The following ADAMTS6 variants were observed in gnomAD, a reference collection of about 807,000 sequenced individuals.
The protein encoded by ADAMTS6 is A disintegrin and metalloproteinase with thrombospondin motifs 6.
ADAMTS6 carries 23 observed loss-of-function variants against 144.3 expected under a neutral mutation model. That is an observed-to-expected ratio of 0.16 (90% confidence interval 0.11 to 0.23). ADAMTS6 has a LOEUF of 0.23. Ranked by LOEUF, ADAMTS6 falls within the 10% of genes least tolerant of loss-of-function variation. The pLI is 1.00. For missense variants in ADAMTS6, 999 were observed against 1,379.6 expected (o/e 0.72, Z 4.37); for synonymous variants, 444 against 457.5 (o/e 0.97, Z 0.38).
intron 8 of ADAMTS6, 68 bp from the exon 9 acceptor site, chr5:65,329,551 T>C (rs1427964405): frequency 7.5e-7 from 1 of 1,336,480 alleles, no homozygotes; most frequent in African/African-American, 1.5e-5. Flanking sequence ...CCTATATTTA[T>C]AAATGCCTGG....
intron 12 of ADAMTS6, 68 bp downstream of exon 12, chr5:65,273,272 G>C: frequency 7.5e-7 from 1 of 1,325,796 alleles, no homozygotes; most frequent in African/African-American, 1.4e-5. Context: ...CCTGGTGGTT[G>C]AATATCAGTA....
At chr5:65,285,184 C>T (rs1763271520) in intron 11 of ADAMTS6, among the ~76,000 whole-genome samples, 1 of 152,138 alleles carries the variant, frequency 6.6e-6, no homozygotes, top group Non-Finnish European at 1.5e-5. Flanking sequence ...TATTTTCTGG[C>T]ATCTTGCTGC....
chr5:65,254,691 C>T (rs572277427), intron 14 of ADAMTS6, among the ~76,000 whole-genome samples: 55 of 152,214 alleles, frequency 3.6e-4, no homozygotes, highest in Middle Eastern at 3.4e-3. Context: ...TTGTTTGACT[C>T]CCACTGCTAT....
chr5:65,202,890 G>A (rs900129329), intron 20 of ADAMTS6, among the ~76,000 whole-genome samples: 16 of 152,090 alleles, frequency 1.1e-4, no homozygotes, highest in African/African-American at 3.4e-4. Context: ...TGTAAAATGA[G>A]GTAATCAAAT....
chr5:65,397,957 T>C (rs1753498178), intron 7 of ADAMTS6, among the ~76,000 whole-genome samples: 1 of 152,082 alleles, frequency 6.6e-6, no homozygotes, highest in Non-Finnish European at 1.5e-5. Flanking sequence ...CTGTGATTGA[T>C]TTCTAGATTA....
chr5:65,342,326 T>G (rs1747919706), intron 7 of ADAMTS6, among the ~76,000 whole-genome samples: 1 of 152,018 alleles, frequency 6.6e-6, no homozygotes, highest in Non-Finnish European at 1.5e-5. Flanking sequence ...ATGTCTCACA[T>G]GGTGGCAGAC....
At chr5:65,251,108 G>A (rs1354871185) in intron 14 of ADAMTS6, 2 of 152,156 alleles carry the variant, frequency 1.3e-5, no homozygotes, top group Non-Finnish European at 2.9e-5. Flanking sequence ...GTAAAAAGAA[G>A]ATTCCATATA....
rs1478722853 is a variant in ADAMTS6 at position 65,429,079 on chromosome 5, T to C, written c.1073+22396A>G. Reference sequence around the variant, plus strand: ...CTCTCCTAAACCAGTCCACAGAAACTAGAAAGAATTTCCCTTGCCCCTTCT... The same window carrying C: ...CTCTCCTAAACCAGTCCACAGAAACCAGAAAGAATTTCCCTTGCCCCTTCT... On this transcript the variant is annotated intron_variant, in intron 7 of 24. Coordinates refer to ENST00000381055, the MANE Select transcript of ADAMTS6 (RefSeq NM_197941.4). 2.0e-5 allele frequency among the ~76,000 whole-genome samples: 3 copies of C among 152,112 alleles called. No individual in the cohort carries two copies. The East Asian group carries it at 5.8e-4, about 29-fold the overall frequency.
intron 3 of ADAMTS6, among the ~76,000 whole-genome samples, chr5:65,463,318 G>A (rs913111260): frequency 6.6e-6 from 1 of 152,090 alleles, no homozygotes; most frequent in African/African-American, 2.4e-5. Flanking sequence ...ACCAGATACT[G>A]GGAACAACAA....
At chr5:65,376,012 C>G (rs1292574204) in intron 7 of ADAMTS6, among the ~76,000 whole-genome samples, 2 of 148,414 alleles carry the variant, frequency 1.3e-5, no homozygotes, top group Non-Finnish European at 3.0e-5. Context: ...ATTGCAAGAA[C>G]AAAAAAACAA....
At chr5:65,228,263 G>A (rs1216870945) in intron 15 of ADAMTS6, among the ~76,000 whole-genome samples, 1 of 152,144 alleles carries the variant, frequency 6.6e-6, no homozygotes, top group South Asian at 2.1e-4. Context: ...GAGAAGCTGA[G>A]TCTTCTGTTT....
chr5:65,193,710 T>G (rs1755153682), intron 21 of ADAMTS6, among the ~76,000 whole-genome samples: 1 of 152,188 alleles, frequency 6.6e-6, no homozygotes, highest in African/African-American at 2.4e-5. Flanking sequence ...CCATTTGAAC[T>G]ATAAATTATT....
chr5:65,436,687 A>G (rs1757438660), intron 7 of ADAMTS6, among the ~76,000 whole-genome samples: 2 of 137,936 alleles, frequency 1.4e-5, no homozygotes, highest in Admixed American at 1.5e-4. Context: ...ATATTTAAAA[A>G]AAACCAAAAA....
intron 7 of ADAMTS6, among the ~76,000 whole-genome samples, chr5:65,410,816 G>A (rs979690170): frequency 3.3e-5 from 5 of 151,946 alleles, no homozygotes; most frequent in African/African-American, 7.3e-5. Context: ...AATGTCCTCC[G>A]GGTTCATTCA....
At chr5:65,454,331 G>A (rs1307702988) in intron 4 of ADAMTS6, among the ~76,000 whole-genome samples, 4 of 152,192 alleles carry the variant, frequency 2.6e-5, no homozygotes, top group Non-Finnish European at 5.9e-5. Flanking sequence ...AAATGAGGTG[G>A]AAATGATCAT....
intron 7 of ADAMTS6, among the ~76,000 whole-genome samples, chr5:65,393,412 T>C (rs553553704): frequency 2.3e-4 from 35 of 152,238 alleles, no homozygotes; most frequent in Non-Finnish European, 3.7e-4. Context: ...AGCTAATGTT[T>C]ATATCCATAA....
intron 15 of ADAMTS6, among the ~76,000 whole-genome samples, chr5:65,235,249 C>T (rs983402040): frequency 3.9e-5 from 6 of 152,104 alleles, no homozygotes; most frequent in East Asian, 3.8e-4. Context: ...TGTGAGGTGA[C>T]GGATACATTA....
intron 7 of ADAMTS6, among the ~76,000 whole-genome samples, chr5:65,441,809 A>G (rs1757875127): frequency 6.6e-6 from 1 of 150,678 alleles, no homozygotes; most frequent in Non-Finnish European, 1.5e-5. Context: ...ACTAAATAAC[A>G]CAATTCTAAG....
rs1446816389 is a variant in ADAMTS6, at chr5:65,329,625, T to G, written c.1118-142A>C. ...GGCAAAAGGTTAACTTTCTAGTCATTTGCAAAATCACTGGGGGGAATTTCA... is the reference window on the plus strand; with the variant it reads ...GGCAAAAGGTTAACTTTCTAGTCATGTGCAAAATCACTGGGGGGAATTTCA... On this transcript the variant is annotated intron_variant, in intron 8 of 24. Transcript: ENST00000381055. 129 of 610,498 alleles carry G rather than the reference T, an allele frequency of 2.1e-4. No individual in the cohort carries two copies. In the East Asian group the frequency reaches 3.8e-3, roughly 18 times the overall value. 37.8% of individuals were successfully genotyped at this position (610,498 alleles called of 1,614,324 possible). A position where few individuals can be genotyped will look rare whatever the true frequency, so the allele number is the denominator to read the frequency against.
Sources: gnomAD v4.1 joint callset for allele counts (sites outside exome capture counted in the v4.1 genomes callset) on GRCh38, gnomAD v4.1.1 for gene constraint, MANE v1.5 for transcripts, NCBI Gene and HGNC (gene_info 2026-07-23, HGNC 2026-07-21) for gene names.